Variants in PTBP3 observed in about 807,000 individuals in gnomAD.
PTBP3 encodes polypyrimidine tract-binding protein 3.
In PTBP3, 20 loss-of-function variants were observed where a neutral mutation model predicts 58.7. That is an observed-to-expected ratio of 0.34 (90% CI 0.24 to 0.50). The LOEUF is 0.50. Among genes scored for constraint, PTBP3 ranks in the 20% least tolerant of loss-of-function variants. The probability of loss-of-function intolerance (pLI) is 0.98; values close to 1 mark genes in which losing one functional copy is unlikely to be tolerated. For missense variants in PTBP3, 509 were observed against 637.2 expected, an observed-to-expected ratio of 0.80 and a Z score of 2.17; for synonymous variants, 185 against 219.8, an observed-to-expected ratio of 0.84 and a Z score of 1.40.
intron 7 of PTBP3, among the ~76,000 whole-genome samples, chr9:112,240,674 G>C (rs756206928): frequency 2.0e-5 from 3 of 147,042 alleles, no homozygotes; most frequent in African/African-American, 7.6e-5. Flanking sequence ...AAACTTAACC[G>C]TAAAACAGCT....
intron 7 of PTBP3, 32 bp from the exon 8 acceptor site, chr9:112,234,929 C>T (rs1196842242): frequency 1.3e-6 from 2 of 1,533,448 alleles, no homozygotes; most frequent in Admixed American, 1.7e-5. Context: ...AGTAAACACA[C>T]TACCTTCTAT....
the PTBP3 span, among the ~76,000 whole-genome samples, chr9:112,366,263 T>C: frequency 9.7e-4 from 138 of 142,548 alleles, no homozygotes; most frequent in Non-Finnish European, 1.7e-3. Context: ...GCCTGGGCAA[T>C]AGAGTAAGAC....
intron 5 of PTBP3, among the ~76,000 whole-genome samples, chr9:112,254,913 T>A (rs1028471804): frequency 6.6e-6 from 1 of 152,180 alleles, no homozygotes; most frequent in Non-Finnish European, 1.5e-5. Flanking sequence ...GAGATATGCA[T>A]ATACCCATGT....
intron 4 of PTBP3, among the ~76,000 whole-genome samples, chr9:112,264,425 T>C (rs543331483): frequency 1.3e-5 from 2 of 152,234 alleles, no homozygotes; most frequent in Non-Finnish European, 2.9e-5. Flanking sequence ...AATTTTACAG[T>C]TGTGACTTTA....
intron 2 of PTBP3, among the ~76,000 whole-genome samples, chr9:112,288,445 G>A (rs771657111): frequency 5.6e-4 from 85 of 152,102 alleles, no homozygotes; most frequent in Non-Finnish European, 9.4e-4. Flanking sequence ...TACCTCCCAG[G>A]TAACTCAACC....
chr9:112,221,335 TTC>T lies in PTBP3; in HGVS notation c.*2514_*2515del, dbSNP rs1425026566. The T allele has an allele frequency of 4.1e-6, 4 of 985,672 alleles. No homozygotes were observed. The highest frequency in any genetic ancestry group is 1.7e-5 in the African/African-American group (1 of 57,226). 61.1% of individuals were successfully genotyped at this position (985,672 alleles called of 1,614,324 possible). The stretch of plus-strand genomic sequence containing the variant: ...CAAATCCCTGAAAAGGATTCAAATG[TTC>T]TCTCTCAGACTTAAAAGGCCATTCC... On this transcript the variant is annotated 3_prime_UTR_variant, in exon 14 of 14. Coordinates refer to ENST00000374257, the MANE Select transcript of PTBP3 (RefSeq NM_001163788.4).
At chr9:112,328,507 G>C (rs901584181) in intron 1 of PTBP3, among the ~76,000 whole-genome samples, 3 of 152,214 alleles carry the variant, frequency 2.0e-5, no homozygotes, top group Non-Finnish European at 4.4e-5. Context: ...TATGGTTCCT[G>C]CATCTAACAT....
chr9:112,363,561 A>ACACAC, the PTBP3 span, among the ~76,000 whole-genome samples: 20 of 77,462 alleles, frequency 2.6e-4, no homozygotes, highest in African/African-American at 1.3e-3. Flanking sequence ...CACACACACA[A>ACACAC]AGGCTATTCT....
the PTBP3 span, among the ~76,000 whole-genome samples, chr9:112,370,354 C>T: frequency 0.011 from 1,598 of 152,188 alleles, 67 homozygotes; most frequent in East Asian, 0.082. Flanking sequence ...CCAGCCTGGA[C>T]AACATGGCAA....
chr9:112,243,799 C>G (rs960112775), intron 7 of PTBP3, among the ~76,000 whole-genome samples: 2 of 152,162 alleles, frequency 1.3e-5, no homozygotes, highest in African/African-American at 4.8e-5. Context: ...ATTTTAAACT[C>G]TTCATGTACA....
At chr9:112,269,707 T>C (rs1202368301) in intron 3 of PTBP3, among the ~76,000 whole-genome samples, 1 of 152,198 alleles carries the variant, frequency 6.6e-6, no homozygotes, top group African/African-American at 2.4e-5. Context: ...TTCCTGTTAA[T>C]TGGACTGTAT....
chr9:112,316,950 C>T (rs553971417), intron 1 of PTBP3, among the ~76,000 whole-genome samples: 7 of 141,508 alleles, frequency 4.9e-5, no homozygotes, highest in East Asian at 2.1e-4. Context: ...CCAGGTTGGG[C>T]GACAAAGTGA....
In PTBP3 at chr9:112,220,186, A is replaced by G. The variant is rs751467292; in HGVS notation, c.*3665T>C. 7.5e-6 allele frequency: 10 copies of G among 1,341,648 alleles called. No individual in the cohort carries two copies. In the South Asian group the frequency reaches 1.1e-4, roughly 14 times the overall value. The allele number at this position is 1,341,648 out of a possible 1,614,324, so 83.1% of individuals were successfully genotyped here. A position where few individuals can be genotyped will look rare whatever the true frequency, so the allele number is the denominator to read the frequency against. ...ATGTACTTTTGTCAATTTTTTGTCC[A>G]AAAATATCTCGTGGGAACAGAAGAG... On this transcript the variant is annotated 3_prime_UTR_variant, in exon 14 of 14. Transcript: ENST00000374257.
intron 2 of PTBP3, 46 bp downstream of exon 2, chr9:112,297,786 T>C (rs988774505): frequency 3.5e-6 from 5 of 1,430,514 alleles, no homozygotes; most frequent in East Asian, 2.3e-5. Context: ...AAAAAACAAT[T>C]TGAAACCCAC....
At chr9:112,314,326 A>C (rs1268453937) in intron 1 of PTBP3, among the ~76,000 whole-genome samples, 2 of 152,244 alleles carry the variant, frequency 1.3e-5, no homozygotes, top group Non-Finnish European at 2.9e-5. Flanking sequence ...AGGAGACAAA[A>C]GGTCAACTCA....
the PTBP3 span, among the ~76,000 whole-genome samples, chr9:112,379,091 A>C: frequency 3.9e-5 from 6 of 152,192 alleles, no homozygotes; most frequent in African/African-American, 1.2e-4. Context: ...CCGGAGGCTG[A>C]GGGAGGAGAA....
At chr9:112,367,872 A>G in the PTBP3 span, among the ~76,000 whole-genome samples, 2 of 152,106 alleles carry the variant, frequency 1.3e-5, no homozygotes, top group Non-Finnish European at 2.9e-5. Flanking sequence ...GTTTCTTTAA[A>G]TAAGTTTTCT....
intron 7 of PTBP3, among the ~76,000 whole-genome samples, chr9:112,247,485 C>G (rs1471338721): frequency 6.6e-6 from 1 of 151,140 alleles, no homozygotes; most frequent in Non-Finnish European, 1.5e-5. Flanking sequence ...GGGAGGATCA[C>G]TTGAGCCCAG....
At chr9:112,229,690 A>T (rs929456109) in intron 10 of PTBP3, among the ~76,000 whole-genome samples, 2 of 152,226 alleles carry the variant, frequency 1.3e-5, no homozygotes, top group Non-Finnish European at 2.9e-5. Flanking sequence ...ATGGTGATGT[A>T]ACTATTCTTT....
Sources: allele counts gnomAD v4.1 joint callset (sites outside exome capture counted in the v4.1 genomes callset), GRCh38; gene constraint gnomAD v4.1.1; transcripts MANE v1.5; gene names NCBI Gene and HGNC (gene_info 2026-07-23, HGNC 2026-07-21).